ITGA9: variants seen among roughly 807,000 people sequenced by gnomAD.
ITGA9 encodes the protein integrin subunit alpha 9, also known as integrin alpha-9.
In ITGA9, 56 loss-of-function variants were observed where a neutral mutation model predicts 127.8. The ratio of observed to expected loss-of-function variants is 0.44; its 90% CI spans 0.35 to 0.55. The LOEUF (loss-of-function observed/expected upper bound fraction) is 0.55, where lower values mean the gene tolerates loss of function less well. ITGA9 is among the 20% of genes least tolerant of loss of function. The probability of loss-of-function intolerance (pLI) is 0.00; values close to 1 mark genes in which losing one functional copy is unlikely to be tolerated. For synonymous variants in ITGA9, 508 were observed against 514.5 expected (o/e 0.99, Z 0.17); for missense variants, 1,196 against 1,347.1 (o/e 0.89, Z 1.76).
intron 20 of ITGA9, among the ~76,000 whole-genome samples, chr3:37,739,736 GC>G (rs1382315352): frequency 6.6e-6 from 1 of 152,162 alleles, no homozygotes; most frequent in Non-Finnish European, 1.5e-5. Flanking sequence ...TCATTCTGGA[GC>G]AGTCACACGA....
At chr3:37,781,553 A>G (rs1696976585) in intron 25 of ITGA9, among the ~76,000 whole-genome samples, 1 of 152,232 alleles carries the variant, frequency 6.6e-6, no homozygotes, top group Non-Finnish European at 1.5e-5. Flanking sequence ...CAACCAGTGC[A>G]TCGGTGGCTC....
At chr3:37,617,177 G>C (rs1432999657) in intron 15 of ITGA9, among the ~76,000 whole-genome samples, 1 of 152,172 alleles carries the variant, frequency 6.6e-6, no homozygotes, top group East Asian at 1.9e-4. Flanking sequence ...AAATCTCTCA[G>C]CATTTGCTTG....
intron 4 of ITGA9, among the ~76,000 whole-genome samples, chr3:37,488,179 C>T (rs920360165): frequency 2.0e-5 from 3 of 152,166 alleles, no homozygotes; most frequent in South Asian, 2.1e-4. Context: ...CGTCTAGCCT[C>T]GCCTTCTTAT....
At chr3:37,486,186 C>T (rs1397344342) in intron 4 of ITGA9, among the ~76,000 whole-genome samples, 1 of 152,112 alleles carries the variant, frequency 6.6e-6, no homozygotes, top group African/African-American at 2.4e-5. Flanking sequence ...TTTATTGTGA[C>T]CGAAAAACCT....
intron 26 of ITGA9, among the ~76,000 whole-genome samples, chr3:37,803,326 G>A (rs1267616059): frequency 6.6e-6 from 1 of 152,198 alleles, no homozygotes; most frequent in Non-Finnish European, 1.5e-5. Context: ...GATTTCAAGT[G>A]CCTTTTCAGG....
chr3:37,738,405 C>T (rs1238132268), intron 20 of ITGA9, among the ~76,000 whole-genome samples: 1 of 152,178 alleles, frequency 6.6e-6, no homozygotes. Flanking sequence ...GGGATTCGTG[C>T]ACCTTCTCAG....
intron 20 of ITGA9, among the ~76,000 whole-genome samples, chr3:37,741,287 C>A (rs1218934825): frequency 6.6e-6 from 1 of 151,246 alleles, no homozygotes; most frequent in African/African-American, 2.4e-5. Flanking sequence ...CCCACCCCCA[C>A]CCCCAGCAGC....
At chr3:37,601,127 G>T (rs560342745) in intron 15 of ITGA9, among the ~76,000 whole-genome samples, 3 of 152,282 alleles carry the variant, frequency 2.0e-5, no homozygotes, top group Non-Finnish European at 4.4e-5. Context: ...CAGCGACTTT[G>T]TGAGATTCTA....
chr3:37,507,872 G>A (rs940506337), intron 7 of ITGA9, among the ~76,000 whole-genome samples: 7 of 152,088 alleles, frequency 4.6e-5, no homozygotes, highest in African/African-American at 1.4e-4. Flanking sequence ...CTCTTCCCAC[G>A]AGATGTAATC....
intron 17 of ITGA9, among the ~76,000 whole-genome samples, chr3:37,658,239 A>C (rs1449970337): frequency 6.6e-6 from 1 of 152,116 alleles, no homozygotes; most frequent in South Asian, 2.1e-4. Flanking sequence ...AGTTCTGAAT[A>C]TCCTTGTTAG....
chr3:37,557,191 T>C (rs987219271), intron 15 of ITGA9, among the ~76,000 whole-genome samples: 5 of 152,272 alleles, frequency 3.3e-5, no homozygotes, highest in Admixed American at 2.6e-4. Context: ...TTTTCTTGGG[T>C]CTGCTTTCTT....
At chr3:37,648,366 G>A (rs577679309) in intron 16 of ITGA9, among the ~76,000 whole-genome samples, 50 of 152,304 alleles carry the variant, frequency 3.3e-4, no homozygotes, top group Non-Finnish European at 5.9e-4. Context: ...CCTCATACCT[G>A]TAATCACAAC....
intron 15 of ITGA9, among the ~76,000 whole-genome samples, chr3:37,596,034 G>A (rs1287317194): frequency 6.6e-6 from 1 of 152,148 alleles, no homozygotes; most frequent in Non-Finnish European, 1.5e-5. Context: ...ACAGTGATGA[G>A]GAAAAGCAGA....
intron 27 of ITGA9, chr3:37,805,908 G>C (rs1697289961): frequency 6.6e-6 from 1 of 150,788 alleles, no homozygotes; most frequent in Admixed American, 6.6e-5. Context: ...CTTGACCTCA[G>C]GTGATCCTCC....
intron 17 of ITGA9, among the ~76,000 whole-genome samples, chr3:37,668,445 A>T (rs1403636617): frequency 6.6e-6 from 1 of 152,092 alleles, no homozygotes; most frequent in Non-Finnish European, 1.5e-5. Context: ...TTCCCTTGTG[A>T]CTGGACGCAA....
chr3:37,502,600 T>C (rs189627843), intron 5 of ITGA9, among the ~76,000 whole-genome samples: 1 of 152,360 alleles, frequency 6.6e-6, no homozygotes, highest in East Asian at 1.9e-4. Flanking sequence ...TTGACCTTGC[T>C]GGTCTCTTGG....
rs1215279114 is a variant in ITGA9 at position 37,806,697 on chromosome 3, G to A, written c.3009+2755G>A. 1 of 152,248 alleles carries A rather than the reference G, an allele frequency of 6.6e-6. No homozygotes were observed. The highest frequency in any genetic ancestry group is 1.5e-5 in the Non-Finnish European group (1 of 68,070). The allele number at this position is 152,248 out of a possible 1,614,324, so 9.4% of individuals were successfully genotyped here. ...GACTCTGCCCTCTGCCACAGACTGG[G>A]AGGGAGAGGGCAGTCACGGCCGCCA... On this transcript the variant is annotated intron_variant, in intron 27 of 27. Coordinates refer to ENST00000264741, the MANE Select transcript of ITGA9 (RefSeq NM_002207.3). The surrounding 1 kb of genome is among the most constrained non-coding windows in gnomAD (Gnocchi z 4.3).
intron 26 of ITGA9, among the ~76,000 whole-genome samples, chr3:37,797,296 A>G (rs964096500): frequency 6.6e-6 from 1 of 152,172 alleles, no homozygotes; most frequent in African/African-American, 2.4e-5. Flanking sequence ...TTGAGGCTAT[A>G]GTAAGCCAAG....
intron 17 of ITGA9, among the ~76,000 whole-genome samples, chr3:37,657,601 G>A (rs1474174967): frequency 6.8e-6 from 1 of 146,936 alleles, no homozygotes; most frequent in South Asian, 2.1e-4. Flanking sequence ...AGTGTGGCTA[G>A]TGGTCTCTTT....
Sources: gnomAD v4.1 joint callset for allele counts (sites outside exome capture counted in the v4.1 genomes callset) on GRCh38, gnomAD v4.1.1 for gene constraint, Gnocchi (gnomAD v3.1) non-coding constraint, MANE v1.5 for transcripts, NCBI Gene and HGNC (gene_info 2026-07-23, HGNC 2026-07-21) for gene names.